RANBP2: variants seen among roughly 807,000 people sequenced by gnomAD.
RANBP2 encodes E3 SUMO-protein ligase RanBP2.
RANBP2 carries 57 observed loss-of-function variants against 303.6 expected under a neutral mutation model. The ratio of observed to expected loss-of-function variants is 0.19; its 90% CI spans 0.15 to 0.23. The LOEUF is 0.23. Ranked by LOEUF, RANBP2 falls within the 10% of genes least tolerant of loss-of-function variation. The pLI is 1.00. For synonymous variants in RANBP2, 1,167 were observed against 1,301.5 expected, an observed-to-expected ratio of 0.90 and a Z score of 2.23; for missense variants, 3,138 against 3,780.8, an observed-to-expected ratio of 0.83 and a Z score of 4.46.
the RANBP2 span, among the ~76,000 whole-genome samples, chr2:109,085,939 C>T: frequency 6.6e-6 from 1 of 152,126 alleles, no homozygotes; most frequent in Non-Finnish European, 1.5e-5. Flanking sequence ...AGTTCCGTGG[C>T]ATTAAGTACA....
chr2:109,511,660 G>A, the RANBP2 span, among the ~76,000 whole-genome samples: 2 of 152,220 alleles, frequency 1.3e-5, no homozygotes, highest in East Asian at 1.9e-4. Context: ...TTCTAGCCCT[G>A]CTTCTGCCTC....
chr2:109,059,667 G>T, the RANBP2 span, among the ~76,000 whole-genome samples: 1 of 152,086 alleles, frequency 6.6e-6, no homozygotes, highest in Non-Finnish European at 1.5e-5. Context: ...CCTCTCCTCT[G>T]GCACTGTGGC....
chr2:109,529,173 G>A, the RANBP2 span, among the ~76,000 whole-genome samples: 2 of 152,200 alleles, frequency 1.3e-5, no homozygotes, highest in Non-Finnish European at 2.9e-5. Flanking sequence ...GGCGGGTCCT[G>A]GATGGGCTCA....
the RANBP2 span, among the ~76,000 whole-genome samples, chr2:109,334,207 A>C: frequency 4.4e-4 from 67 of 152,018 alleles, no homozygotes; most frequent in Non-Finnish European, 5.0e-4. Flanking sequence ...AAATAGAAAA[A>C]ATTAGCCAGG....
the RANBP2 span, chr2:108,910,918 G>T: frequency 6.2e-7 from 1 of 1,614,062 alleles, no homozygotes. Context: ...AGTCCAGGAA[G>T]CAGGGCACCG....
chr2:108,854,050 TTTATA>T, the RANBP2 span, among the ~76,000 whole-genome samples: 43 of 116,998 alleles, frequency 3.7e-4, no homozygotes, highest in African/African-American at 1.5e-3. Context: ...ATATAATAAA[TTTATA>T]TTATATATAT....
intron 22 of RANBP2, 23 bp from the exon 23 acceptor site, chr2:108,772,845 C>T (rs1320526340): frequency 1.2e-6 from 2 of 1,611,242 alleles, no homozygotes; most frequent in East Asian, 2.2e-5. Flanking sequence ...ATTTCGTTTG[C>T]TTGTGTTGTA....
chr2:108,803,948 C>T, the RANBP2 span, among the ~76,000 whole-genome samples: 1 of 152,072 alleles, frequency 6.6e-6, no homozygotes, highest in Non-Finnish European at 1.5e-5. Flanking sequence ...GTGACTATAT[C>T]CTAAGTTATT....
downstream of RANBP2, chr2:108,786,644 T>C (rs1004789754): frequency 2.9e-5 from 18 of 625,890 alleles, 1 homozygote; most frequent in South Asian, 3.2e-4. Flanking sequence ...ACGAGAAACT[T>C]GGAGGACGCG....
chr2:109,493,685 TAC>T, the RANBP2 span, among the ~76,000 whole-genome samples: 1 of 148,326 alleles, frequency 6.7e-6, no homozygotes, highest in African/African-American at 2.5e-5. Flanking sequence ...TCACACACCA[TAC>T]ACACACCACA....
chr2:109,235,759 A>T, the RANBP2 span, among the ~76,000 whole-genome samples: 1 of 151,932 alleles, frequency 6.6e-6, no homozygotes, highest in South Asian at 2.1e-4. Flanking sequence ...CACTTGTTAG[A>T]CTCTCTACTG....
chr2:109,128,367 G>A, the RANBP2 span: 4 of 152,174 alleles, frequency 2.6e-5, no homozygotes, highest in Non-Finnish European at 4.4e-5. Context: ...GCGGGCGCTA[G>A]AGCCCCTCGC....
At chr2:109,567,945 T>C in the RANBP2 span, 1 of 1,613,140 alleles carries the variant, frequency 6.2e-7, no homozygotes, top group Non-Finnish European at 8.5e-7. Flanking sequence ...AGAAACCGTA[T>C]CTGCTTTGGC....
chr2:109,636,783 T>C, the RANBP2 span, among the ~76,000 whole-genome samples: 1 of 151,886 alleles, frequency 6.6e-6, no homozygotes, highest in African/African-American at 2.4e-5. Flanking sequence ...ACCAAAAATA[T>C]AAAAATTAGC....
the RANBP2 span, among the ~76,000 whole-genome samples, chr2:109,292,767 T>G: frequency 6.6e-6 from 1 of 152,172 alleles, no homozygotes; most frequent in Admixed American, 6.5e-5. Context: ...AGTTTCACTC[T>G]TGTTGCCCAG....
At chr2:108,735,320 A>G (rs1261755031) in intron 4 of RANBP2, among the ~76,000 whole-genome samples, 1 of 152,144 alleles carries the variant, frequency 6.6e-6, no homozygotes, top group African/African-American at 2.4e-5. Context: ...TACTGCAGTA[A>G]TCACAGATGC....
the RANBP2 span, among the ~76,000 whole-genome samples, chr2:109,441,349 G>A: frequency 4.6e-5 from 7 of 152,052 alleles, no homozygotes; most frequent in Admixed American, 1.3e-4. Flanking sequence ...GTTAAGTAGA[G>A]ACATAATAGA....
the RANBP2 span, among the ~76,000 whole-genome samples, chr2:109,467,322 CT>C: frequency 1.3e-5 from 2 of 152,246 alleles, no homozygotes; most frequent in Admixed American, 6.5e-5. Context: ...AAACCAGCTG[CT>C]GATACACACA....
At chr2:108,773,138 A>G (rs965576073) in intron 23 of RANBP2, 92 bp downstream of exon 23, 30 of 1,345,356 alleles carry the variant, frequency 2.2e-5, no homozygotes, top group African/African-American at 4.4e-5. Flanking sequence ...TATTTTTGAG[A>G]CAGAATTTTA....
Sources: gnomAD v4.1 joint callset for allele counts (sites outside exome capture counted in the v4.1 genomes callset) on GRCh38, gnomAD v4.1.1 for gene constraint, MANE v1.5 for transcripts, NCBI Gene and HGNC (gene_info 2026-07-23, HGNC 2026-07-21) for gene names.